Variants in CDCA2 observed in about 807,000 individuals in gnomAD.
CDCA2 encodes cell division cycle associated 2, also known as cell division cycle-associated protein 2.
A neutral mutation model predicts 67.0 loss-of-function variants in CDCA2; 44 were observed. The ratio of observed to expected loss-of-function variants is 0.66; its 90% CI spans 0.52 to 0.84. The LOEUF is 0.84. Ranked by LOEUF, CDCA2 falls within the 40% of genes least tolerant of loss-of-function variation. CDCA2 has a pLI of 0.00. For synonymous variants in CDCA2, 447 were observed against 418.7 expected, an observed-to-expected ratio of 1.07 and a Z score of -0.82; for missense variants, 1,253 against 1,203.2, an observed-to-expected ratio of 1.04 and a Z score of -0.61.
chr8:25,488,928 A>G (rs1803893841), intron 13 of CDCA2, among the ~76,000 whole-genome samples: 1 of 152,154 alleles, frequency 6.6e-6, no homozygotes, highest in Non-Finnish European at 1.5e-5. Context: ...CAGTAAATTA[A>G]TAGGCACTCA....
chr8:25,498,474 C>T (rs1166254783), intron 13 of CDCA2, among the ~76,000 whole-genome samples: 1 of 144,778 alleles, frequency 6.9e-6, no homozygotes. Context: ...GCCCCCCAGG[C>T]CTCCCAAAGT....
chr8:25,477,020 A>C (rs550704649), intron 7 of CDCA2, among the ~76,000 whole-genome samples: 1 of 152,174 alleles, frequency 6.6e-6, no homozygotes, highest in South Asian at 2.1e-4. Context: ...ATTGCCTTCT[A>C]GCCAGAACAC....
chr8:25,466,303 A>G lies in CDCA2; in HGVS notation c.516A>G (p.Lys172=). 1.2e-6 allele frequency: 2 copies of G among 1,605,616 alleles called. No homozygotes were observed. Among genetic ancestry groups the G allele is most frequent in the Non-Finnish European group, 1.7e-6 (2 of 1,177,922 alleles). ...GTCTGGAATTCTCAGAGGCAGGAAA[A>G]GAGTCCGAGATGACAGACTTGAGTG... ...TGCLEFSEAG[K]ESEMTDLTRK... is the part of the protein sequence containing the mutation. The change falls in exon 5 of 15, where the codon AAA becomes AAG. Residue 172 remains lysine, a synonymous_variant. Transcript: ENST00000330560.
chr8:25,480,812 T>G (rs1381643590), intron 8 of CDCA2, among the ~76,000 whole-genome samples: 1 of 152,202 alleles, frequency 6.6e-6, no homozygotes, highest in Non-Finnish European at 1.5e-5. Context: ...TTTCAGATCT[T>G]GACTTGGAAA....
intron 13 of CDCA2, among the ~76,000 whole-genome samples, chr8:25,490,479 AGG>A (rs1803959572): frequency 2.0e-5 from 3 of 151,922 alleles, no homozygotes; most frequent in Non-Finnish European, 2.9e-5. Context: ...AGATAAAAAA[AGG>A]TGGAAAGATT....
chr8:25,498,247 G>A (rs376665304), intron 13 of CDCA2, among the ~76,000 whole-genome samples: 334 of 152,078 alleles, frequency 2.2e-3, no homozygotes, highest in African/African-American at 7.5e-3. Flanking sequence ...TCGCTCTGTC[G>A]CCCAGGCTGG....
In CDCA2 at chr8:25,460,505, C is replaced by G. The variant is rs116086438; in HGVS notation, c.183C>G (p.Thr61=). The change falls in exon 3 of 15, where the codon ACC becomes ACG. Residue 61 remains threonine (T), a synonymous_variant. Transcript: ENST00000330560. ...FKSPLNFSTV[T]VEQLGITPES... is the part of the protein sequence containing the mutation. ...CACCTTTGAACTTTTCCACAGTAAC[C>G]GTAGAGCAATTGGGAATTACACCTG... 44 of 1,614,144 alleles carry G rather than the reference C, an allele frequency of 2.7e-5. No homozygotes were observed. The highest frequency in any genetic ancestry group is 1.7e-4 in the Admixed American group (10 of 60,012).
At chr8:25,480,839 A>T (rs758509491) in intron 8 of CDCA2, among the ~76,000 whole-genome samples, 1 of 152,186 alleles carries the variant, frequency 6.6e-6, no homozygotes, top group Non-Finnish European at 1.5e-5. Flanking sequence ...CACTGAGCAA[A>T]TTATTTGACC....
At position 25,507,808 on chromosome 8, in the gene CDCA2, C is replaced by G; in HGVS notation, c.*70C>G. On this transcript the variant is annotated 3_prime_UTR_variant, in exon 15 of 15. Coordinates refer to ENST00000330560, the MANE Select transcript of CDCA2 (RefSeq NM_152562.4). ...CTATGCTGAAATGATCTGTCTAGTT[C>G]CCATTCTCTGTTCAACCTCAGTGTT... 6.8e-7 allele frequency: 1 copy of G among 1,469,380 alleles called. No individual in the cohort carries two copies. The highest frequency in any genetic ancestry group is 9.0e-7 in the Non-Finnish European group (1 of 1,109,890). 91.0% of individuals were successfully genotyped at this position (1,469,380 alleles called of 1,614,324 possible).
intron 13 of CDCA2, among the ~76,000 whole-genome samples, chr8:25,500,831 G>A (rs1385576634): frequency 6.6e-6 from 1 of 152,202 alleles, no homozygotes; most frequent in Non-Finnish European, 1.5e-5. Flanking sequence ...TATGTGGAGT[G>A]TGCTGTTGTG....
intron 3 of CDCA2, among the ~76,000 whole-genome samples, chr8:25,461,560 T>C (rs1007330310): frequency 2.0e-5 from 3 of 152,200 alleles, no homozygotes; most frequent in Non-Finnish European, 4.4e-5. Flanking sequence ...GCTGGATTCA[T>C]TTTGTGTGCT....
At chr8:25,469,637 G>T (rs1803071098) in intron 6 of CDCA2, among the ~76,000 whole-genome samples, 1 of 152,148 alleles carries the variant, frequency 6.6e-6, no homozygotes, top group East Asian at 1.9e-4. Flanking sequence ...GGAATTAAAA[G>T]TTGATTTGTG....
chr8:25,462,752 C>T (rs958228962), intron 4 of CDCA2, among the ~76,000 whole-genome samples: 40 of 152,332 alleles, frequency 2.6e-4, no homozygotes, highest in Admixed American at 1.2e-3. Flanking sequence ...TCATAGCCCA[C>T]CGCAGCAATG....
chr8:25,464,326 G>A (rs1174530862), intron 4 of CDCA2, among the ~76,000 whole-genome samples: 1 of 152,172 alleles, frequency 6.6e-6, no homozygotes, highest in African/African-American at 2.4e-5. Flanking sequence ...TGAAGTTGGA[G>A]GATCGTTTGA....
chr8:25,490,599 G>A (rs1803964599), intron 13 of CDCA2, among the ~76,000 whole-genome samples: 1 of 152,150 alleles, frequency 6.6e-6, no homozygotes, highest in Admixed American at 6.6e-5. Flanking sequence ...GATGGATGGT[G>A]AGAGTGAGAG....
chr8:25,460,713 A>G (rs1459418706), intron 3 of CDCA2, among the ~76,000 whole-genome samples, 159 bp downstream of exon 3: 1 of 152,210 alleles, frequency 6.6e-6, no homozygotes, highest in Admixed American at 6.5e-5. Context: ...GCACATGCAC[A>G]GTTCATTTAG....
chr8:25,469,945 C>G lies in CDCA2; in HGVS notation c.785C>G (p.Ser262Cys). The G allele has an allele frequency of 1.2e-6, 2 of 1,611,826 alleles. No individual in the cohort carries two copies. The highest frequency in any genetic ancestry group is 1.7e-6 in the Non-Finnish European group (2 of 1,178,624). ...STQSGFLVEE[S>C]LPLSELTETS... ...CAGTCTGGATTTTTAGTTGAAGAGT[C>G]TCTTCCCCTTTCAGAGCTCACAGAG... is the stretch of plus-strand genomic sequence containing the variant. Residue 262 changes from serine (S) to cysteine (C), a missense_variant, in exon 7 of 15, where the codon TCT (serine) becomes TGT (cysteine). Transcript: ENST00000330560.
intron 13 of CDCA2, among the ~76,000 whole-genome samples, chr8:25,489,473 C>T (rs540951949): frequency 6.6e-6 from 1 of 152,264 alleles, no homozygotes; most frequent in Admixed American, 6.5e-5. Flanking sequence ...CTTTTCCTTC[C>T]ACCTCATCCA....
intron 7 of CDCA2, among the ~76,000 whole-genome samples, chr8:25,471,178 T>C (rs1043432128): frequency 3.9e-5 from 6 of 152,220 alleles, no homozygotes; most frequent in African/African-American, 1.2e-4. Flanking sequence ...CTCTGTCTTA[T>C]TTTCCTTCAA....
Sources: gnomAD v4.1 joint callset for allele counts (sites outside exome capture counted in the v4.1 genomes callset) on GRCh38, gnomAD v4.1.1 for gene constraint, MANE v1.5 for transcripts, NCBI Gene and HGNC (gene_info 2026-07-23, HGNC 2026-07-21) for gene names.